The following CCDC141 variants were observed in gnomAD, a reference collection of about 807,000 sequenced individuals.
CCDC141 encodes coiled-coil domain containing 141.
In CCDC141, 168 loss-of-function variants were observed where a neutral mutation model predicts 181.0. The ratio of observed to expected loss-of-function variants is 0.93; its 90% confidence interval spans 0.82 to 1.05. The LOEUF is 1.05. Ranked by LOEUF, CCDC141 falls within the 50% of genes least tolerant of loss-of-function variation. CCDC141 has a pLI of 0.00. For synonymous variants in CCDC141, 666 were observed against 642.3 expected (o/e 1.04, Z -0.56); for missense variants, 1,902 against 1,788.5 (o/e 1.06, Z -1.14).
At chr2:178,977,772 A>T (rs564510063) in intron 3 of CCDC141, among the ~76,000 whole-genome samples, 1 of 152,334 alleles carries the variant, frequency 6.6e-6, no homozygotes, top group South Asian at 2.1e-4. Flanking sequence ...CTGCCACCTG[A>T]CACAGAAGTT....
intron 2 of CCDC141, among the ~76,000 whole-genome samples, chr2:179,027,488 C>G (rs1378734442): frequency 6.6e-6 from 1 of 150,398 alleles, no homozygotes; most frequent in African/African-American, 2.4e-5. Context: ...ACTAAAAATA[C>G]AAAAAAAATA....
chr2:179,007,609 T>C (rs376186802), intron 2 of CCDC141, among the ~76,000 whole-genome samples: 6 of 152,168 alleles, frequency 3.9e-5, no homozygotes, highest in African/African-American at 1.4e-4. Context: ...GAGATTTTTA[T>C]TTTAAATGGG....
the CCDC141 span, among the ~76,000 whole-genome samples, chr2:178,821,415 G>A: frequency 4.4e-4 from 67 of 152,002 alleles, no homozygotes; most frequent in African/African-American, 1.4e-3. Context: ...TTGATCATTT[G>A]GCCCCAAACA....
chr2:178,820,658 G>T, the CCDC141 span, among the ~76,000 whole-genome samples: 3 of 152,070 alleles, frequency 2.0e-5, no homozygotes, highest in Non-Finnish European at 4.4e-5. Flanking sequence ...TGAAATGAAA[G>T]AATTTTTTTA....
intron 2 of CCDC141, among the ~76,000 whole-genome samples, chr2:179,041,353 C>T (rs1196543484): frequency 1.3e-5 from 2 of 151,708 alleles, no homozygotes; most frequent in Non-Finnish European, 2.9e-5. Context: ...GATGGTATCT[C>T]ATTGTGGTTT....
chr2:178,823,825 T>C, the CCDC141 span, among the ~76,000 whole-genome samples: 11 of 152,322 alleles, frequency 7.2e-5, no homozygotes, highest in East Asian at 1.9e-3. Flanking sequence ...TTTTTAATTA[T>C]CTATTTTAAA....
At chr2:178,887,202 CAACA>C (rs956707941) in intron 9 of CCDC141, among the ~76,000 whole-genome samples, 13 of 152,124 alleles carry the variant, frequency 8.5e-5, no homozygotes, top group African/African-American at 3.1e-4. Context: ...GCTAACACAT[CAACA>C]GAGATGAATT....
chr2:179,012,350 A>C (rs1277702047), intron 2 of CCDC141, among the ~76,000 whole-genome samples: 1 of 152,158 alleles, frequency 6.6e-6, no homozygotes, highest in Non-Finnish European at 1.5e-5. Context: ...GAACACTTTC[A>C]TGCACATAGA....
chr2:178,939,765 G>C (rs992057438), intron 6 of CCDC141, among the ~76,000 whole-genome samples: 6 of 151,988 alleles, frequency 3.9e-5, no homozygotes, highest in South Asian at 2.1e-4. Flanking sequence ...TGGTGGAGGG[G>C]GGGTGTTGGG....
intron 17 of CCDC141, 90 bp from the exon 18 acceptor site, chr2:178,856,487 A>G (rs1685392992): frequency 1.1e-6 from 1 of 920,636 alleles, no homozygotes; most frequent in African/African-American, 1.6e-5. Flanking sequence ...ACACTTCAAA[A>G]TACTCATAAT....
At chr2:179,017,381 A>G (rs1446529999) in intron 2 of CCDC141, among the ~76,000 whole-genome samples, 1 of 152,086 alleles carries the variant, frequency 6.6e-6, no homozygotes, top group Non-Finnish European at 1.5e-5. Context: ...AAGATGCTTT[A>G]TAGGGGTGTA....
In CCDC141 at chr2:178,837,136, C is replaced by A; in HGVS notation, c.4083G>T (p.Arg1361Ser). The change falls in exon 23 of 24, where the codon AGG becomes AGT. Residue 1361 changes from arginine (R) to serine (S), a missense_variant. Coordinates refer to ENST00000443758, the MANE Select transcript of CCDC141 (RefSeq NM_173648.4). ...AGAATGCATCAGAGGAAGCATGCAG[C>A]CTATCTTGGGTTTTAGTGAAGTTAT... ...ADNNFTKTQDRLHASSDAFSG... is the reference protein window; with the variant it reads ...ADNNFTKTQDSLHASSDAFSG... The A allele has an allele frequency of 6.2e-7, 1 of 1,613,946 alleles. No homozygotes were observed. Among genetic ancestry groups the A allele is most frequent in the Non-Finnish European group, 8.5e-7 (1 of 1,179,964 alleles).
At position 178,884,928 on chromosome 2, in the gene CCDC141, G is replaced by A. The variant is rs747555213; in HGVS notation, c.1692C>T (p.Tyr564=). 27 of 1,550,122 alleles carry A rather than the reference G, an allele frequency of 1.7e-5. No homozygotes were observed. In the South Asian group the frequency reaches 2.4e-4, roughly 14 times the overall value. Residue 564 remains tyrosine, a synonymous_variant, in exon 11 of 24, where the codon TAC becomes TAT. Coordinates refer to ENST00000443758, the MANE Select transcript of CCDC141 (RefSeq NM_173648.4). ...CCTCTGATGACTTCAGAAATGCCAC[G>A]TAAGTTTGCAGGACTTGCGATCTAT... The part of the protein sequence containing the change: ...IDYRSQVLQT[Y]VAFLKSSEEV...
At chr2:178,901,580 T>C (rs1001503924) in intron 8 of CCDC141, among the ~76,000 whole-genome samples, 1 of 152,126 alleles carries the variant, frequency 6.6e-6, no homozygotes, top group African/African-American at 2.4e-5. Flanking sequence ...AAATTCTCAA[T>C]AAATTAGGTC....
intron 3 of CCDC141, 26 bp from the exon 4 acceptor site, chr2:178,975,191 C>T (rs1197382544): frequency 3.4e-6 from 4 of 1,163,966 alleles, no homozygotes; most frequent in Admixed American, 2.6e-5. Context: ...AGAGGAAAGA[C>T]ATTTGACATT....
At chr2:178,896,623 C>T (rs185316641) in intron 8 of CCDC141, among the ~76,000 whole-genome samples, 3 of 152,230 alleles carry the variant, frequency 2.0e-5, no homozygotes, top group Admixed American at 1.3e-4. Flanking sequence ...TTCATTTAGC[C>T]AACAGGCTTC....
intron 2 of CCDC141, among the ~76,000 whole-genome samples, chr2:179,015,456 CAT>C (rs1348401968): frequency 4.2e-5 from 5 of 118,038 alleles, no homozygotes; most frequent in African/African-American, 8.6e-5. Flanking sequence ...ATATATGTAC[CAT>C]ATATATCTCA....
chr2:178,951,651 G>C (rs578237370), intron 5 of CCDC141, among the ~76,000 whole-genome samples: 1 of 152,194 alleles, frequency 6.6e-6, no homozygotes, highest in African/African-American at 2.4e-5. Context: ...TCCCTGGCTA[G>C]TTTGGGATGG....
chr2:179,025,399 G>A (rs2042809302), intron 2 of CCDC141, among the ~76,000 whole-genome samples: 1 of 152,082 alleles, frequency 6.6e-6, no homozygotes, highest in African/African-American at 2.4e-5. Flanking sequence ...CTCATATAGT[G>A]AATGACTCTC....
Sources: gnomAD v4.1 joint callset for allele counts (sites outside exome capture counted in the v4.1 genomes callset) on GRCh38, gnomAD v4.1.1 for gene constraint, MANE v1.5 for transcripts, NCBI Gene and HGNC (gene_info 2026-07-23, HGNC 2026-07-21) for gene names.